SGCZ: variants seen among roughly 807,000 people sequenced by gnomAD.
The protein encoded by SGCZ is zeta-sarcoglycan.
A neutral mutation model predicts 41.3 loss-of-function variants in SGCZ; 40 were observed. The observed-to-expected ratio is 0.97, with a 90% CI of 0.75 to 1.26. SGCZ has a LOEUF of 1.26. Among genes scored for constraint, SGCZ ranks in the 50% most tolerant of loss-of-function variants. The probability of loss-of-function intolerance (pLI) is 0.00; values close to 1 mark genes in which losing one functional copy is unlikely to be tolerated. For missense variants in SGCZ, 552 were observed against 369.8 expected (o/e 1.49, Z -4.04); for synonymous variants, 206 against 137.5 (o/e 1.50, Z -3.49).
chr8:15,006,213 A>T (rs1372677801), intron 1 of SGCZ, among the ~76,000 whole-genome samples: 1 of 152,238 alleles, frequency 6.6e-6, no homozygotes, highest in South Asian at 2.1e-4. Flanking sequence ...ATAGCACTAG[A>T]CATACTGATG....
chr8:15,000,041 G>T (rs1461696174), intron 1 of SGCZ, among the ~76,000 whole-genome samples: 4 of 152,176 alleles, frequency 2.6e-5, no homozygotes, highest in Non-Finnish European at 4.4e-5. Context: ...AAGGTTAAAT[G>T]AGGTCATAGG....
At chr8:14,357,055 T>G (rs1421739690) in intron 2 of SGCZ, among the ~76,000 whole-genome samples, 1 of 152,078 alleles carries the variant, frequency 6.6e-6, no homozygotes, top group African/African-American at 2.4e-5. Context: ...TAAAATATTT[T>G]ATGCAAAAGT....
chr8:15,055,605 G>A (rs1224276118), intron 1 of SGCZ, among the ~76,000 whole-genome samples: 1 of 152,184 alleles, frequency 6.6e-6, no homozygotes, highest in Non-Finnish European at 1.5e-5. Context: ...GAAGGCCAGA[G>A]CCTGGGACCC....
chr8:14,279,837 C>A (rs1164504875), intron 3 of SGCZ, among the ~76,000 whole-genome samples: 1 of 144,342 alleles, frequency 6.9e-6, no homozygotes, highest in Non-Finnish European at 1.5e-5. Context: ...CTTCATGCTC[C>A]ATTTTTTTTT....
chr8:14,364,459 TTTGA>T (rs1382929735), intron 2 of SGCZ, among the ~76,000 whole-genome samples: 1 of 152,188 alleles, frequency 6.6e-6, no homozygotes, highest in Non-Finnish European at 1.5e-5. Flanking sequence ...CACTGCCTGC[TTTGA>T]TTCTTAGCAG....
chr8:15,010,838 G>A (rs891797156), intron 1 of SGCZ, among the ~76,000 whole-genome samples: 1 of 152,146 alleles, frequency 6.6e-6, no homozygotes, highest in Non-Finnish European at 1.5e-5. Context: ...GGACACTTGG[G>A]CTAAGAAACA....
intron 1 of SGCZ, among the ~76,000 whole-genome samples, chr8:14,850,815 G>C (rs1300759307): frequency 6.6e-6 from 1 of 152,102 alleles, no homozygotes; most frequent in African/African-American, 2.4e-5. Flanking sequence ...AGTTTTAAAA[G>C]AGGATCTTTT....
chr8:14,579,812 T>C (rs926976341), intron 1 of SGCZ, among the ~76,000 whole-genome samples: 1 of 152,234 alleles, frequency 6.6e-6, no homozygotes, highest in African/African-American at 2.4e-5. Context: ...TTTCTCTTGA[T>C]TCCCTTTTGT....
intron 3 of SGCZ, among the ~76,000 whole-genome samples, chr8:14,263,557 C>T (rs745423329): frequency 1.1e-4 from 16 of 151,768 alleles, no homozygotes; most frequent in South Asian, 4.2e-4. Flanking sequence ...TCAAAAAATA[C>T]GTATATAACT....
chr8:15,182,979 A>G (rs1800222538), intron 1 of SGCZ, among the ~76,000 whole-genome samples: 1 of 152,180 alleles, frequency 6.6e-6, no homozygotes, highest in African/African-American at 2.4e-5. Context: ...ACACACACAC[A>G]TTGGCTTAGG....
rs182566068 is a variant in SGCZ at position 14,599,785 on chromosome 8, G to C, written c.40-44859C>G. Reference sequence around the variant, plus strand: ...AGTCCTCATTTCTGAATCATAAGTTGTTCCCTCTCTTCAGAGAATCTCCTA... The same window carrying C: ...AGTCCTCATTTCTGAATCATAAGTTCTTCCCTCTCTTCAGAGAATCTCCTA... On this transcript the variant is annotated intron_variant, in intron 1 of 7. Transcript: ENST00000382080. 7.8e-3 allele frequency among the ~76,000 whole-genome samples: 1,187 copies of C among 152,150 alleles called. 9 individuals carry two copies. Among genetic ancestry groups the C allele is most frequent in the Middle Eastern group, 0.01 (3 of 294 alleles).
intron 1 of SGCZ, among the ~76,000 whole-genome samples, chr8:15,011,209 T>A (rs13251628): frequency 0.41 from 62,851 of 151,886 alleles, 13,760 homozygotes; most frequent in South Asian, 0.51. Context: ...GTAGGTGAAA[T>A]TTCATTACAC....
At chr8:14,911,941 A>T (rs1799290894) in intron 1 of SGCZ, among the ~76,000 whole-genome samples, 1 of 152,012 alleles carries the variant, frequency 6.6e-6, no homozygotes, top group African/African-American at 2.4e-5. Flanking sequence ...GCACAGGTCA[A>T]CAGGTTTTAA....
At chr8:14,366,929 G>A (rs906038223) in intron 2 of SGCZ, among the ~76,000 whole-genome samples, 14 of 152,234 alleles carry the variant, frequency 9.2e-5, no homozygotes, top group East Asian at 1.9e-4. Flanking sequence ...TTTCCCCAAC[G>A]TCTTGGAAGT....
intron 2 of SGCZ, among the ~76,000 whole-genome samples, chr8:14,515,398 A>C (rs1585619318): frequency 6.6e-6 from 1 of 152,224 alleles, no homozygotes; most frequent in East Asian, 1.9e-4. Flanking sequence ...GAGGGATATC[A>C]AGTGCTTCAT....
intron 1 of SGCZ, among the ~76,000 whole-genome samples, chr8:15,232,093 C>T (rs1801959916): frequency 6.6e-6 from 1 of 152,140 alleles, no homozygotes; most frequent in Admixed American, 6.6e-5. Flanking sequence ...AATGCATATT[C>T]TCAAAAATTC....
At chr8:14,184,584 G>A (rs1403675518) in intron 4 of SGCZ, among the ~76,000 whole-genome samples, 10 of 152,196 alleles carry the variant, frequency 6.6e-5, no homozygotes, top group Admixed American at 2.6e-4. Context: ...AAACCTACAC[G>A]GATTGTTTGA....
In SGCZ at chr8:14,119,572, CA is replaced by C. The variant is rs1012501079; in HGVS notation, c.548-11338del. On this transcript the variant is annotated intron_variant, in intron 5 of 7. Coordinates refer to ENST00000382080, the MANE Select transcript of SGCZ (RefSeq NM_139167.4). The stretch of plus-strand genomic sequence containing the variant: ...CTTTCTTTCTTGTGTTCTGATTATC[CA>C]GGCCAGAACTTCCAATACTATGTTG... Among the ~76,000 whole-genome samples, 41 of 152,156 alleles carry C rather than the reference CA, an allele frequency of 2.7e-4. 1 individual carries two copies. The highest frequency in any genetic ancestry group is 9.2e-4 in the African/African-American group (38 of 41,524).
intron 1 of SGCZ, among the ~76,000 whole-genome samples, chr8:14,947,362 A>G (rs761375936): frequency 6.6e-6 from 1 of 152,216 alleles, no homozygotes; most frequent in Non-Finnish European, 1.5e-5. Flanking sequence ...TTAGGCTTAT[A>G]GTGCACCAGA....
Sources: gnomAD v4.1 joint callset for allele counts (sites outside exome capture counted in the v4.1 genomes callset) on GRCh38, gnomAD v4.1.1 for gene constraint, MANE v1.5 for transcripts, NCBI Gene and HGNC (gene_info 2026-07-23, HGNC 2026-07-21) for gene names.